The following NDUFC2 variants were observed in gnomAD, a reference collection of about 807,000 sequenced individuals.
NDUFC2 encodes the protein NADH:ubiquinone oxidoreductase subunit C2, also known as NADH dehydrogenase [ubiquinone] 1 subunit C2.
Under a neutral mutation model 10.1 loss-of-function variants are expected in NDUFC2, and 2 were observed. That is an observed-to-expected ratio of 0.20 (90% CI 0.08 to 0.62). NDUFC2 has a LOEUF of 0.62. Among genes scored for constraint, NDUFC2 ranks in the 20% least tolerant of loss-of-function variants. The pLI is 0.87. For missense variants in NDUFC2, 156 were observed against 159.6 expected (o/e 0.98, Z 0.12); for synonymous variants, 61 against 63.6 (o/e 0.96, Z 0.20).
intron 1 of NDUFC2, among the ~76,000 whole-genome samples, chr11:78,078,435 T>C (rs1446709751): frequency 6.6e-6 from 1 of 152,216 alleles, no homozygotes; most frequent in East Asian, 1.9e-4. Context: ...CCTAGAAAGC[T>C]GTCTGTCTCT....
chr11:78,073,479 G>T (rs1348850548), intron 1 of NDUFC2, among the ~76,000 whole-genome samples: 14 of 150,808 alleles, frequency 9.3e-5, no homozygotes, highest in African/African-American at 2.9e-4. Context: ...GTGACAAAGC[G>T]CCTGGCCTGT....
intron 1 of NDUFC2, among the ~76,000 whole-genome samples, chr11:78,076,697 G>A (rs1859264373): frequency 6.6e-6 from 1 of 152,130 alleles, no homozygotes; most frequent in African/African-American, 2.4e-5. Flanking sequence ...CTAGTAGGGT[G>A]GAGGTGATGT....
At chr11:78,076,838 A>C (rs1859271048) in intron 1 of NDUFC2, among the ~76,000 whole-genome samples, 1 of 152,114 alleles carries the variant, frequency 6.6e-6, no homozygotes, top group South Asian at 2.1e-4. Context: ...CCTCTAGAGC[A>C]TTCTCCCTCC....
chr11:78,070,081 T>C, intron 2 of NDUFC2, 45 bp from the exon 3 acceptor site: 2 of 1,358,636 alleles, frequency 1.5e-6, no homozygotes, highest in Non-Finnish European at 2.0e-6. Context: ...AAAATATGTT[T>C]TAAAAATTGT....
Position 78,079,848 on chromosome 11 carries a change from C to A in NDUFC2, c.-104G>T. On this transcript the variant is annotated 5_prime_UTR_variant, in exon 1 of 3. Coordinates refer to ENST00000281031, the MANE Select transcript of NDUFC2 (RefSeq NM_004549.6). ...AAGCGGTCAGCTTTCTCCTCCTCCTCTGCGCGCCGGACTCACGGGCACGGC... is the reference window on the plus strand; with the variant it reads ...AAGCGGTCAGCTTTCTCCTCCTCCTATGCGCGCCGGACTCACGGGCACGGC... The A allele has an allele frequency of 1.4e-6, 2 of 1,444,358 alleles. No individual in the cohort carries two copies. The highest frequency in any genetic ancestry group is 9.1e-7 in the Non-Finnish European group (1 of 1,093,052). 89.5% of individuals were successfully genotyped at this position (1,444,358 alleles called of 1,614,324 possible).
intron 1 of NDUFC2, among the ~76,000 whole-genome samples, chr11:78,073,438 G>A (rs4945248): frequency 2.4e-3 from 364 of 152,202 alleles, no homozygotes; most frequent in Non-Finnish European, 4.0e-3. Flanking sequence ...GTTGCAGTAA[G>A]CTGATATTGC....
At position 78,073,041 on chromosome 11, in the gene NDUFC2, C is replaced by T. The variant is rs748695223; in HGVS notation, c.267G>A (p.Met89Ile). The T allele has an allele frequency of 6.8e-6, 11 of 1,613,788 alleles. No homozygotes were observed. Among genetic ancestry groups the T allele is most frequent in the Admixed American group, 1.7e-5 (1 of 59,888 alleles). Residue 89 changes from methionine to isoleucine, a missense_variant, in exon 2 of 3, where the codon ATG becomes ATA. Met to Ile is a conservative substitution (Grantham distance 10). Transcript: ENST00000281031. ...DYLYAVRDRE[M>I]FGYMKLHPED... ...CTGGATGTAATTTCATATATCCAAACATTTCACGGTCCCTCACAGCATACA... is the reference window on the plus strand; with the variant it reads ...CTGGATGTAATTTCATATATCCAAATATTTCACGGTCCCTCACAGCATACA...
chr11:78,069,746 TCTAAA>T lies in NDUFC2; in HGVS notation c.*236_*240del. The T allele has an allele frequency of 1.1e-6, 1 of 890,776 alleles. No individual in the cohort carries two copies. Among genetic ancestry groups the T allele is most frequent in the Non-Finnish European group, 1.7e-6 (1 of 582,884 alleles). 55.2% of individuals were successfully genotyped at this position (890,776 alleles called of 1,614,324 possible). A position where few individuals can be genotyped will look rare whatever the true frequency, so the allele number is the denominator to read the frequency against. On this transcript the variant is annotated 3_prime_UTR_variant, in exon 3 of 3. Coordinates refer to ENST00000281031, the MANE Select transcript of NDUFC2 (RefSeq NM_004549.6). ...GGCCAGATTTGGGTAGTCTGCTAAC[TCTAAA>T]CTAGAATTCAACCTCATCTTAAAAT...
At chr11:78,073,801 C>CAAAA (rs11290651) in intron 1 of NDUFC2, among the ~76,000 whole-genome samples, 2 of 62,082 alleles carry the variant, frequency 3.2e-5, no homozygotes, top group African/African-American at 6.2e-5. Flanking sequence ...GGCTCTGTCT[C>CAAAA]AAAAAAAAAA....
At chr11:78,073,182 G>A in intron 1 of NDUFC2, 41 bp from the exon 2 acceptor site, 1 of 1,612,006 alleles carries the variant, frequency 6.2e-7, no homozygotes, top group Non-Finnish European at 8.5e-7. Flanking sequence ...GCAAAAATTA[G>A]TCCATGTGTA....
At position 78,079,810 on chromosome 11, in the gene NDUFC2, A is replaced by C. The variant is rs1859445694; in HGVS notation, c.-66T>G. ...AACTACAAGGAAAACCACGACGACC[A>C]CTACCCCGGCCTAAGCGGTCAGCTT... is the stretch of plus-strand genomic sequence containing the variant. On this transcript the variant is annotated 5_prime_UTR_variant, in exon 1 of 3. Transcript: ENST00000281031. 2 of 1,527,718 alleles carry C rather than the reference A, an allele frequency of 1.3e-6. No individual in the cohort carries two copies. Among genetic ancestry groups the C allele is most frequent in the Admixed American group, 2.4e-5 (1 of 41,456 alleles). The allele number at this position is 1,527,718 out of a possible 1,614,324, so 94.6% of individuals were successfully genotyped here.
chr11:78,072,633 A>G (rs1859058415), intron 2 of NDUFC2, among the ~76,000 whole-genome samples: 1 of 152,212 alleles, frequency 6.6e-6, no homozygotes, highest in Admixed American at 6.5e-5. Flanking sequence ...TTCAAAGTTA[A>G]GAAATATTTA....
intron 2 of NDUFC2, 116 bp downstream of exon 2, chr11:78,072,881 TA>T: frequency 7.1e-7 from 1 of 1,403,892 alleles, no homozygotes; most frequent in Non-Finnish European, 9.5e-7. Context: ...GTCTATAGAC[TA>T]AGATGTGGGA....
At chr11:78,079,506 G>C (rs1859414753) in intron 1 of NDUFC2, 73 bp downstream of exon 1, 2 of 1,508,356 alleles carry the variant, frequency 1.3e-6, no homozygotes, top group Admixed American at 4.7e-5. Flanking sequence ...CCTCAGGGGG[G>C]CCTACGGCCG....
chr11:78,074,055 T>C (rs1209043044), intron 1 of NDUFC2, among the ~76,000 whole-genome samples: 1 of 43,398 alleles, frequency 2.3e-5, no homozygotes, highest in Non-Finnish European at 5.1e-5. Context: ...TCTTTCTTTC[T>C]TTTTTTTTTA....
chr11:78,078,128 AGTG>A (rs1197768650), intron 1 of NDUFC2, among the ~76,000 whole-genome samples: 1 of 152,194 alleles, frequency 6.6e-6, no homozygotes, highest in Non-Finnish European at 1.5e-5. Flanking sequence ...AAGAGGTACA[AGTG>A]TGGTGACTCC....
chr11:78,079,603 G>C lies in NDUFC2; in HGVS notation c.142C>G (p.Arg48Gly). The stretch of plus-strand genomic sequence containing the variant: ...CCAGCCGTCGCGATCGGCCTCCGCC[G>C]GATTAGGTTATCAATCAGGCCGGAG... ...YCSGLIDNLI[R>G]RRPIATAGLH... The change falls in exon 1 of 3, where the codon CGG becomes GGG. Residue 48 changes from arginine (R) to glycine (G), a missense_variant. By Grantham distance (125) the Arg-to-Gly change is moderately radical (BLOSUM62 -2). Transcript: ENST00000281031. 6.4e-7 allele frequency: 1 copy of C among 1,557,882 alleles called. No homozygotes were observed. The highest frequency in any genetic ancestry group is 1.2e-5 in the South Asian group (1 of 84,686).
Position 78,079,559 on chromosome 11 carries a change from C to G in NDUFC2, c.166+20G>C, listed in dbSNP as rs1297915366. 1.1e-5 allele frequency: 17 copies of G among 1,547,684 alleles called. No homozygotes were observed. Among genetic ancestry groups the G allele is most frequent in the Non-Finnish European group, 1.5e-5 (17 of 1,146,152 alleles). On this transcript the variant is annotated intron_variant, in intron 1 of 2. Transcript: ENST00000281031. ...ACGACCCCTTCTCCTCCCAGCCGAT[C>G]CCGGCCGCGCAGCACTCACCAGCCG...
chr11:78,078,472 C>T (rs1326549416), intron 1 of NDUFC2, among the ~76,000 whole-genome samples: 1 of 152,172 alleles, frequency 6.6e-6, no homozygotes, highest in Non-Finnish European at 1.5e-5. Flanking sequence ...TCAAAGTTAA[C>T]TTCAAAGACC....
Sources: gnomAD v4.1 joint callset for allele counts (sites outside exome capture counted in the v4.1 genomes callset) on GRCh38, gnomAD v4.1.1 for gene constraint, MANE v1.5 for transcripts, NCBI Gene and HGNC (gene_info 2026-07-23, HGNC 2026-07-21) for gene names.